Variants in NFU1 observed in about 807,000 individuals in gnomAD.
NFU1 encodes the protein NFU1 iron-sulfur cluster scaffold, also known as NFU1 iron-sulfur cluster scaffold homolog, mitochondrial.
NFU1 carries 30 observed loss-of-function variants against 32.2 expected under a neutral mutation model. The observed-to-expected ratio is 0.93, with a 90% CI of 0.70 to 1.26. NFU1 has a LOEUF of 1.26. Ranked by LOEUF, NFU1 falls within the 50% of genes most tolerant of loss-of-function variation. The pLI is 0.00. For synonymous variants in NFU1, 112 were observed against 104.6 expected, an observed-to-expected ratio of 1.07 and a Z score of -0.43; for missense variants, 306 against 306.6, an observed-to-expected ratio of 1.00 and a Z score of 0.02.
At chr2:69,429,705 A>G (rs1318308235) in intron 2 of NFU1, among the ~76,000 whole-genome samples, 1 of 152,202 alleles carries the variant, frequency 6.6e-6, no homozygotes, top group Non-Finnish European at 1.5e-5. Context: ...AGAACTTTTT[A>G]CTGTTGACAA....
upstream of NFU1, among the ~76,000 whole-genome samples, chr2:69,438,654 A>G (rs543131327): frequency 7.2e-5 from 11 of 152,278 alleles, no homozygotes; most frequent in Non-Finnish European, 1.2e-4. Context: ...CCAGAATGGA[A>G]ACAGCACACC....
intron 4 of NFU1, among the ~76,000 whole-genome samples, chr2:69,418,771 C>A (rs1432698094): frequency 6.6e-6 from 1 of 152,042 alleles, no homozygotes; most frequent in African/African-American, 2.4e-5. Flanking sequence ...ACCCGGCCCC[C>A]AGTATGTCCA....
At chr2:69,424,201 ATATATATAT>A (rs1673376213) in intron 2 of NFU1, among the ~76,000 whole-genome samples, 1 of 82,170 alleles carries the variant, frequency 1.2e-5, no homozygotes, top group African/African-American at 3.4e-5. Context: ...AAAAAAAAAT[ATATATATAT>A]ATATATATAT....
chr2:69,437,717 CTGG>C (rs1673907331), upstream of NFU1: 1 of 527,630 alleles, frequency 1.9e-6, no homozygotes, highest in Admixed American at 3.1e-5. Flanking sequence ...AGGTTTTTAG[CTGG>C]TGCTGGTGCT....
intron 2 of NFU1, among the ~76,000 whole-genome samples, chr2:69,429,385 T>G (rs888154716): frequency 2.0e-5 from 3 of 151,420 alleles, no homozygotes; most frequent in Admixed American, 2.0e-4. Context: ...GCAACAGAGA[T>G]CCTGTCTCTA....
chr2:69,418,070 CCTT>C (rs1412508238), intron 4 of NFU1, among the ~76,000 whole-genome samples: 2 of 151,664 alleles, frequency 1.3e-5, no homozygotes, highest in Non-Finnish European at 2.9e-5. Context: ...AATGTTCATC[CCTT>C]CTTCTCCTTA....
intron 1 of NFU1, among the ~76,000 whole-genome samples, chr2:69,434,001 C>A (rs1239634296): frequency 6.7e-6 from 1 of 148,736 alleles, no homozygotes; most frequent in Non-Finnish European, 1.5e-5. Context: ...TCAGGCTGAT[C>A]TCCAGCTCCT....
intron 1 of NFU1, 71 bp from the exon 2 acceptor site, chr2:69,432,076 A>G (rs1673657905): frequency 2.0e-6 from 2 of 1,001,208 alleles, no homozygotes; most frequent in Non-Finnish European, 3.1e-6. Flanking sequence ...TCTACTTCTC[A>G]TGTATAAAAA....
upstream of NFU1, chr2:69,437,672 A>C (rs1165670213): frequency 5.0e-6 from 3 of 599,932 alleles, no homozygotes; most frequent in South Asian, 5.7e-5. Flanking sequence ...CTGTGAACGC[A>C]TGCGTGTTTC....
chr2:69,433,690 G>C (rs1293353953), intron 1 of NFU1, among the ~76,000 whole-genome samples: 1 of 152,154 alleles, frequency 6.6e-6, no homozygotes, highest in African/African-American at 2.4e-5. Context: ...TGGCCAGGCT[G>C]ATCTCCAACT....
intron 7 of NFU1, among the ~76,000 whole-genome samples, chr2:69,397,017 A>G (rs1203026008): frequency 6.6e-6 from 1 of 151,786 alleles, no homozygotes; most frequent in Non-Finnish European, 1.5e-5. Context: ...GGTTGCAGTG[A>G]GCCTAGTGCC....
At chr2:69,416,545 T>C (rs1673061849) in intron 4 of NFU1, among the ~76,000 whole-genome samples, 1 of 151,852 alleles carries the variant, frequency 6.6e-6, no homozygotes, top group African/African-American at 2.4e-5. Flanking sequence ...CTTGATCAAG[T>C]ATACGGAACA....
Position 69,432,136 on chromosome 2 carries a change from CTGACTTTTCATCTTCCATCTACA to C in NFU1, c.63-154_63-132del, listed in dbSNP as rs1234455120. On this transcript the variant is annotated intron_variant, in intron 1 of 7. Coordinates refer to ENST00000410022, the MANE Select transcript of NFU1 (RefSeq NM_001002755.4). The stretch of plus-strand genomic sequence containing the variant: ...ACCCGCAATAGAAATAATTAGAGAA[CTGACTTTTCATCTTCCATCTACA>C]TTATTTCCACTTACTTAGGCAAGCA... The C allele has an allele frequency of 4.5e-6, 3 of 669,408 alleles. No homozygotes were observed. In the East Asian group the frequency reaches 8.2e-5, roughly 18 times the overall value. 41.5% of individuals were successfully genotyped at this position (669,408 alleles called of 1,614,324 possible). A position where few individuals can be genotyped will look rare whatever the true frequency, so the allele number is the denominator to read the frequency against.
chr2:69,427,395 T>C (rs1673496021), intron 2 of NFU1, among the ~76,000 whole-genome samples: 2 of 141,532 alleles, frequency 1.4e-5, no homozygotes, highest in Non-Finnish European at 3.1e-5. Context: ...CAAAAAAAAA[T>C]AGAAGGCCAG....
chr2:69,433,480 C>G (rs1339973443), intron 1 of NFU1, among the ~76,000 whole-genome samples: 1 of 151,080 alleles, frequency 6.6e-6, no homozygotes, highest in Non-Finnish European at 1.5e-5. Context: ...ACACCTGGCC[C>G]GTCTTTTTTT....
intron 2 of NFU1, among the ~76,000 whole-genome samples, chr2:69,424,198 A>AAAAAAAAAAAAATATATATATATATAT (rs1558840147): frequency 1.3e-5 from 1 of 74,542 alleles, no homozygotes; most frequent in African/African-American, 5.3e-5. Context: ...AAAAAAAAAA[A>AAAAAAAAAAAAATATATATATATATAT]ATATATATAT....
rs549286772 is a variant in NFU1 at position 69,402,872 on chromosome 2, C to T, written c.546-2334G>A. Among the ~76,000 whole-genome samples, 15 of 152,000 alleles carry T rather than the reference C, an allele frequency of 9.9e-5. No individual in the cohort carries two copies. The South Asian group carries it at 3.1e-3, about 32-fold the overall frequency. On this transcript the variant is annotated intron_variant, in intron 6 of 7. Coordinates refer to ENST00000410022, the MANE Select transcript of NFU1 (RefSeq NM_001002755.4). ...TGCTGGGATTACAGGTGTAAGCCAC[C>T]GCGCCCGGTCTTTATCTGATTTCTT...
chr2:69,436,531 G>C (rs535013919), intron 1 of NFU1, among the ~76,000 whole-genome samples: 1 of 152,146 alleles, frequency 6.6e-6, no homozygotes, highest in Non-Finnish European at 1.5e-5. Context: ...TTTAAAGTAA[G>C]AGTGGATTAC....
intron 2 of NFU1, among the ~76,000 whole-genome samples, chr2:69,426,994 G>A (rs1056794908): frequency 2.7e-5 from 4 of 150,504 alleles, no homozygotes; most frequent in African/African-American, 7.3e-5. Flanking sequence ...GATTGAACCC[G>A]GGTTGCAGTG....
Sources: gnomAD v4.1 joint callset for allele counts (sites outside exome capture counted in the v4.1 genomes callset) on GRCh38, gnomAD v4.1.1 for gene constraint, MANE v1.5 for transcripts, NCBI Gene and HGNC (gene_info 2026-07-23, HGNC 2026-07-21) for gene names.